The following MOGAT1 variants were observed in gnomAD, a reference collection of about 807,000 sequenced individuals.
MOGAT1 encodes the protein monoacylglycerol O-acyltransferase 1.
A neutral mutation model predicts 31.4 loss-of-function variants in MOGAT1; 32 were observed. The ratio of observed to expected loss-of-function variants is 1.02; its 90% CI spans 0.77 to 1.37. MOGAT1 has a LOEUF of 1.37. Among genes scored for constraint, MOGAT1 ranks in the 40% most tolerant of loss-of-function variants. The probability of loss-of-function intolerance (pLI) is 0.00; values close to 1 mark genes in which losing one functional copy is unlikely to be tolerated. For synonymous variants in MOGAT1, 145 were observed against 144.5 expected (o/e 1.00, Z -0.03); for missense variants, 426 against 402.0 (o/e 1.06, Z -0.51).
Position 222,689,344 on chromosome 2 carries a change from C to G in MOGAT1, c.353C>G (p.Ala118Gly). Residue 118 changes from alanine to glycine, a missense_variant, in exon 3 of 6, where the codon GCC (alanine) becomes GGC (glycine). Physicochemically the swap from Ala to Gly is moderately conservative, Grantham distance 60 (BLOSUM62 0). Transcript: ENST00000446656. ...CCCCATGGAATAATGGCAGTTGGAGCCTTTGGGAATTTTTCTGTAAATTAT... is the reference window on the plus strand; with the variant it reads ...CCCCATGGAATAATGGCAGTTGGAGGCTTTGGGAATTTTTCTGTAAATTAT... Reference protein sequence around the residue: ...FHPHGIMAVGAFGNFSVNYSD... With the variant: ...FHPHGIMAVGGFGNFSVNYSD... 6.2e-7 allele frequency: 1 copy of G among 1,613,928 alleles called. No homozygotes were observed. Among genetic ancestry groups the G allele is most frequent in the Non-Finnish European group, 8.5e-7 (1 of 1,179,844 alleles).
At chr2:222,693,553 G>C (rs951633540) in intron 3 of MOGAT1, among the ~76,000 whole-genome samples, 2 of 150,508 alleles carry the variant, frequency 1.3e-5, no homozygotes, top group African/African-American at 4.9e-5. Flanking sequence ...AAGACTTACA[G>C]TTCTACATGG....
At chr2:222,707,373 G>A (rs13418685) in intron 5 of MOGAT1, among the ~76,000 whole-genome samples, 97 of 68,432 alleles carry the variant, frequency 1.4e-3, no homozygotes, top group African/African-American at 5.9e-3. Context: ...GAAAGAAAGA[G>A]AAAGAAAGAA....
chr2:222,696,944 G>A (rs1429954685), intron 5 of MOGAT1, among the ~76,000 whole-genome samples: 21 of 152,126 alleles, frequency 1.4e-4, no homozygotes, highest in African/African-American at 4.8e-4. Context: ...GGAGGCTGTG[G>A]AAGAAGGAGC....
chr2:222,686,894 C>G (rs1236885449), intron 1 of MOGAT1, among the ~76,000 whole-genome samples: 1 of 152,030 alleles, frequency 6.6e-6, no homozygotes, highest in East Asian at 1.9e-4. Flanking sequence ...GGGTGGATCA[C>G]TTGAGGTCAG....
At chr2:222,684,639 C>T (rs1692635964) in intron 1 of MOGAT1, among the ~76,000 whole-genome samples, 1 of 151,908 alleles carries the variant, frequency 6.6e-6, no homozygotes, top group Admixed American at 6.6e-5. Flanking sequence ...TGAAACGGTG[C>T]AATCTCGGCT....
At chr2:222,704,004 A>G (rs1692967735) in intron 5 of MOGAT1, among the ~76,000 whole-genome samples, 1 of 152,190 alleles carries the variant, frequency 6.6e-6, no homozygotes, top group African/African-American at 2.4e-5. Flanking sequence ...CAATACATGC[A>G]TAACTAATCT....
chr2:222,685,752 C>G (rs937921907), intron 1 of MOGAT1, among the ~76,000 whole-genome samples: 1 of 151,740 alleles, frequency 6.6e-6, no homozygotes, highest in Non-Finnish European at 1.5e-5. Flanking sequence ...AGGCACCCAC[C>G]ACCACACCCC....
chr2:222,693,448 GT>G (rs11331017), intron 3 of MOGAT1, among the ~76,000 whole-genome samples: 41,980 of 116,190 alleles, frequency 0.36, 6,688 homozygotes, highest in African/African-American at 0.49. Context: ...CAAATGTCTT[GT>G]TTTTTTTTTT....
At chr2:222,676,990 A>G (rs1052975775) in intron 1 of MOGAT1, among the ~76,000 whole-genome samples, 10 of 152,214 alleles carry the variant, frequency 6.6e-5, no homozygotes, top group Non-Finnish European at 1.0e-4. Flanking sequence ...ACTAATTGTC[A>G]ACTAAAGTTT....
intron 5 of MOGAT1, among the ~76,000 whole-genome samples, chr2:222,704,229 A>G (rs991754301): frequency 1.3e-5 from 2 of 152,142 alleles, no homozygotes; most frequent in African/African-American, 4.8e-5. Context: ...AGAAGTTTCA[A>G]CTTAGTCTTA....
intron 1 of MOGAT1, among the ~76,000 whole-genome samples, chr2:222,677,101 A>G (rs1450936550): frequency 6.6e-6 from 1 of 152,206 alleles, no homozygotes; most frequent in Non-Finnish European, 1.5e-5. Flanking sequence ...AGGTTTCTTG[A>G]GCAGATATGT....
intron 3 of MOGAT1, among the ~76,000 whole-genome samples, chr2:222,692,033 G>T (rs74756483): frequency 0.047 from 7,121 of 152,242 alleles, 231 homozygotes; most frequent in African/African-American, 0.084. Context: ...GAGGACTTTC[G>T]ATTTTATTTT....
At chr2:222,707,325 G>T (rs1411656802) in intron 5 of MOGAT1, among the ~76,000 whole-genome samples, 1 of 137,516 alleles carries the variant, frequency 7.3e-6, no homozygotes, top group East Asian at 2.1e-4. Flanking sequence ...GAAGGAAGGA[G>T]AAAGAAAGAA....
chr2:222,690,534 G>A (rs1459403948), intron 3 of MOGAT1, among the ~76,000 whole-genome samples: 1 of 152,114 alleles, frequency 6.6e-6, no homozygotes, highest in Admixed American at 6.6e-5. Flanking sequence ...TCCAGCCCGG[G>A]CGACAGAGCG....
chr2:222,679,706 T>G (rs1692550614), intron 1 of MOGAT1, among the ~76,000 whole-genome samples: 2 of 152,256 alleles, frequency 1.3e-5, no homozygotes, highest in Non-Finnish European at 2.9e-5. Context: ...ACAGAAATTA[T>G]GAGCAGTCAT....
chr2:222,687,238 C>A (rs1403868559), intron 1 of MOGAT1, among the ~76,000 whole-genome samples: 1 of 151,368 alleles, frequency 6.6e-6, no homozygotes, highest in East Asian at 1.9e-4. Context: ...AGATTAAACG[C>A]TATTTCTCAG....
At chr2:222,707,284 A>G (rs1018887649) in intron 5 of MOGAT1, among the ~76,000 whole-genome samples, 3 of 147,614 alleles carry the variant, frequency 2.0e-5, no homozygotes, top group Non-Finnish European at 3.0e-5. Context: ...AGAAGGAGGG[A>G]AGGAAGGAAG....
chr2:222,689,744 C>A (rs984367446), intron 3 of MOGAT1, among the ~76,000 whole-genome samples: 3 of 152,124 alleles, frequency 2.0e-5, no homozygotes, highest in African/African-American at 7.2e-5. Flanking sequence ...ACACAATGAT[C>A]AAATAAAGTA....
chr2:222,683,246 C>CAGTGGTGG (rs1324700833), intron 1 of MOGAT1, among the ~76,000 whole-genome samples: 2 of 151,104 alleles, frequency 1.3e-5, no homozygotes, highest in African/African-American at 4.9e-5. Flanking sequence ...TGGTAATTGC[C>CAGTGGTGG]AGTGGTGGAG....
Sources: gnomAD v4.1 joint callset for allele counts (sites outside exome capture counted in the v4.1 genomes callset) on GRCh38, gnomAD v4.1.1 for gene constraint, MANE v1.5 for transcripts, NCBI Gene and HGNC (gene_info 2026-07-23, HGNC 2026-07-21) for gene names.